NACA: variants seen among roughly 807,000 people sequenced by gnomAD.
The protein encoded by NACA is nascent polypeptide-associated complex subunit alpha.
A neutral mutation model predicts 86.4 loss-of-function variants in NACA; 42 were observed. The ratio of observed to expected loss-of-function variants is 0.49; its 90% CI spans 0.38 to 0.63. The LOEUF (loss-of-function observed/expected upper bound fraction) is 0.63. Among genes scored for constraint, NACA ranks in the 20% least tolerant of loss-of-function variants. NACA has a pLI of 0.00. For missense variants in NACA, 2,157 were observed against 2,483.6 expected (o/e 0.87, Z 2.80); for synonymous variants, 898 against 973.7 (o/e 0.92, Z 1.45).
chr12:56,717,438 G>A lies in NACA; in HGVS notation c.4092C>T (p.Ser1364=), dbSNP rs761917516. The A allele has an allele frequency of 6.5e-6, 9 of 1,394,290 alleles. No homozygotes were observed. The East Asian group carries it at 1.3e-4, about 19-fold the overall frequency. 86.4% of individuals were successfully genotyped at this position (1,394,290 alleles called of 1,614,324 possible). Residue 1364 remains serine (S), a synonymous_variant, in exon 3 of 9, where the codon TCC becomes TCT. Transcript: ENST00000454682. ...CTGGGGGAGTGGGGCCCTCTTTGGA[G>A]GATGGAGTAGTTGGGCCTCCTTTAG... ...PSSKGGPTTP[S]SKEGPTPPAA...
intron 2 of NACA, 42 bp downstream of exon 2, chr12:56,724,410 G>T: frequency 6.4e-7 from 1 of 1,572,332 alleles, no homozygotes; most frequent in East Asian, 2.3e-5. Flanking sequence ...AATGGCTTTA[G>T]GGTTAATTTT....
rs1451385301 is a variant in NACA at position 56,721,230 on chromosome 12, T to TG, written c.299dup (p.Thr101AsnfsTer56). 1.2e-6 allele frequency: 2 copies of TG among 1,613,474 alleles called. No individual in the cohort carries two copies. Among genetic ancestry groups the TG allele is most frequent in the Middle Eastern group, 1.6e-4 (1 of 6,082 alleles). On this transcript the variant is annotated frameshift_variant, in exon 3 of 9. Coordinates refer to ENST00000454682, the MANE Select transcript of NACA (RefSeq NM_001365896.1). LOFTEE classifies it high-confidence loss of function. ...GCCCTATTAGGTTTGGTAGGAAGGT[T>TG]GGGGCTTCAGGGGCAGTTCCCAAAG...
At chr12:56,724,429 G>A (rs752422558) in intron 2 of NACA, 23 bp downstream of exon 2, 1 of 1,597,628 alleles carries the variant, frequency 6.3e-7, no homozygotes, top group African/African-American at 1.3e-5. Context: ...TTAATTAATG[G>A]CAAGGAGGGT....
At chr12:56,712,947 A>G (rs1372219163) in intron 7 of NACA, 39 bp from the exon 8 acceptor site, 1 of 1,613,774 alleles carries the variant, frequency 6.2e-7, no homozygotes, top group Admixed American at 1.7e-5. Context: ...ATTAAAGGCA[A>G]GAACAATTTC....
chr12:56,721,462 G>T lies in NACA; in HGVS notation c.71-3C>A, dbSNP rs746013373. On this transcript the variant is annotated splice_region_variant and splice_polypyrimidine_tract_variant and intron_variant, in intron 2 of 8. Transcript: ENST00000454682. Reference sequence around the variant, plus strand: ...GGCTGAAGACATAGGTAGCACAGCTGGAGAAAGGCAAAAGGAGATAAAGAA... The same window carrying T: ...GGCTGAAGACATAGGTAGCACAGCTTGAGAAAGGCAAAAGGAGATAAAGAA... 12 of 1,487,020 alleles carry T rather than the reference G, an allele frequency of 8.1e-6. No homozygotes were observed. Among genetic ancestry groups the T allele is most frequent in the Non-Finnish European group, 1.1e-5 (12 of 1,123,528 alleles). The allele number at this position is 1,487,020 out of a possible 1,614,324, so 92.1% of individuals were successfully genotyped here. A position where few individuals can be genotyped will look rare whatever the true frequency, so the allele number is the denominator to read the frequency against.
rs201182580 is a variant in NACA at position 56,712,957 on chromosome 12, C to T, written c.6100-49G>A. 3.1e-6 allele frequency: 5 copies of T among 1,612,944 alleles called. No homozygotes were observed. The African/African-American group carries it at 6.7e-5, about 21-fold the overall frequency. On this transcript the variant is annotated intron_variant, in intron 7 of 8. Coordinates refer to ENST00000454682, the MANE Select transcript of NACA (RefSeq NM_001365896.1). ...AGTAAATTAAAGGCAAGAACAATTT[C>T]AGCAGTTCTTTGGAGTCTCCTGAAT...
rs147776312 is a variant in NACA at position 56,720,035 on chromosome 12, T to A, written c.1495A>T (p.Thr499Ser). The change falls in exon 3 of 9, where the codon ACC becomes TCC. Residue 499 changes from threonine (T) to serine (S), a missense_variant. This residue lies in a region of NACA where 947 missense variants were observed against 917.9 expected (regional missense o/e 1.03). Coordinates refer to ENST00000454682, the MANE Select transcript of NACA (RefSeq NM_001365896.1). The part of the protein sequence containing the change: ...APKEPSTQVA[T>S]TLRIPVSPPL... The stretch of plus-strand genomic sequence containing the variant: ...GGAGAGACTGGTATCCTCAGAGTGG[T>A]TGCTACTTGAGTAGAAGGCTCTTTG... The A allele has an allele frequency of 9.3e-6, 15 of 1,613,888 alleles. No individual in the cohort carries two copies. Among genetic ancestry groups the A allele is most frequent in the Middle Eastern group, 3.3e-4 (2 of 6,062 alleles).
rs1208679398 is a variant in NACA, at chr12:56,716,751, G to A, written c.4779C>T (p.Ala1593=). The A allele has an allele frequency of 8.0e-6, 11 of 1,381,954 alleles. No individual in the cohort carries two copies. Among genetic ancestry groups the A allele is most frequent in the South Asian group, 7.8e-5 (6 of 77,318 alleles). The allele number at this position is 1,381,954 out of a possible 1,614,324, so 85.6% of individuals were successfully genotyped here. A position where few individuals can be genotyped will look rare whatever the true frequency, so the allele number is the denominator to read the frequency against. ...PAVTPSTYKG[A]PSPKELLIPP... is the part of the protein sequence containing the mutation. ...GAATGAGGAGCTCTTTGGGGGATGGGGCCCCTTTGTAAGTGGAAGGAGTCA... is the reference window on the plus strand; with the variant it reads ...GAATGAGGAGCTCTTTGGGGGATGGAGCCCCTTTGTAAGTGGAAGGAGTCA... Residue 1593 remains alanine (A), a synonymous_variant, in exon 3 of 9, where the codon GCC becomes GCT. Transcript: ENST00000454682.
chr12:56,722,464 CG>C (rs1953597892), intron 2 of NACA, among the ~76,000 whole-genome samples: 1 of 152,122 alleles, frequency 6.6e-6, no homozygotes, highest in African/African-American at 2.4e-5. Flanking sequence ...CCTGGGAGGG[CG>C]GATCACGAGG....
At position 56,721,448 on chromosome 12, in the gene NACA, T is replaced by G. The variant is rs367875595; in HGVS notation, c.82A>C (p.Met28Leu). 93 of 1,493,854 alleles carry G rather than the reference T, an allele frequency of 6.2e-5. No homozygotes were observed. The highest frequency in any genetic ancestry group is 2.7e-4 in the African/African-American group (19 of 70,004). 92.5% of individuals were successfully genotyped at this position (1,493,854 alleles called of 1,614,324 possible). The change falls in exon 3 of 9, where the codon ATG becomes CTG. Residue 28 changes from methionine to leucine, a missense_variant. Physicochemically the swap from Met to Leu is conservative, Grantham distance 15. Transcript: ENST00000454682. The part of the protein sequence containing the change: ...QPQAETAVLP[M>L]SSALSVTAAL... Reference sequence around the variant, plus strand: ...GCAGTGACACTCAAGGCTGAAGACATAGGTAGCACAGCTGGAGAAAGGCAA... The same window carrying G: ...GCAGTGACACTCAAGGCTGAAGACAGAGGTAGCACAGCTGGAGAAAGGCAA...
At chr12:56,725,079 C>G (rs551888616) in intron 1 of NACA, 184 bp downstream of exon 1, 1 of 153,064 alleles carries the variant, frequency 6.5e-6, no homozygotes, top group Non-Finnish European at 1.5e-5. Flanking sequence ...CGCAGCCCTT[C>G]TACCCTGCTT....
rs1240244698 is a variant in NACA, at chr12:56,720,721, A to ACAGG, written c.805_808dup (p.Val270AlafsTer3). On this transcript the variant is annotated frameshift_variant, in exon 3 of 9. Transcript: ENST00000454682. LOFTEE classifies it high-confidence loss of function. ...AAGAGATAAGGCAGCAGGTGGACTA[A>ACAGG]CAGGCCCCTTCAGGCTGAGGCTTCC... is the stretch of plus-strand genomic sequence containing the variant. 1 of 1,614,000 alleles carries ACAGG rather than the reference A, an allele frequency of 6.2e-7. No individual in the cohort carries two copies. Among genetic ancestry groups the ACAGG allele is most frequent in the East Asian group, 2.2e-5 (1 of 44,890 alleles).
chr12:56,716,703 GGAA>G lies in NACA; in HGVS notation c.4824_4826del (p.Ser1609del), dbSNP rs1953377359. ...CTGGAGGAGTAGGTGCCTCTTTGGG[GGAA>G]GGAGAAGTCACAGCTGGTGGAATGA... On this transcript the variant is annotated inframe_deletion, in exon 3 of 9. Transcript: ENST00000454682. 1 of 1,410,974 alleles carries G rather than the reference GGAA, an allele frequency of 7.1e-7. No homozygotes were observed. The allele number at this position is 1,410,974 out of a possible 1,614,324, so 87.4% of individuals were successfully genotyped here.
chr12:56,718,504 G>C lies in NACA; in HGVS notation c.3026C>G (p.Pro1009Arg). ...GPATPSPKGA[P>R]TPPAVTPPSP... ...GGGAGGAGTCACAGCTGGGGGTGTG[G>C]GGGCCCCTTTGGGGGATGGAGTAGC... Residue 1009 changes from proline (P) to arginine (R), a missense_variant, in exon 3 of 9, where the codon CCC (proline) becomes CGC (arginine). Around this residue, in one of 8 missense-constraint regions of NACA, gnomAD observed 124 missense variants for 186.5 expected, o/e 0.66. Transcript: ENST00000454682. 1.6e-6 allele frequency: 2 copies of C among 1,288,242 alleles called. No individual in the cohort carries two copies. Among genetic ancestry groups the C allele is most frequent in the Non-Finnish European group, 1.0e-6 (1 of 999,674 alleles). 79.8% of individuals were successfully genotyped at this position (1,288,242 alleles called of 1,614,324 possible).
chr12:56,716,501 C>CT lies in NACA; in HGVS notation c.5028dup (p.Gly1677ArgfsTer47). The CT allele has an allele frequency of 2.0e-6, 3 of 1,513,704 alleles. No homozygotes were observed. The highest frequency in any genetic ancestry group is 2.7e-6 in the Non-Finnish European group (3 of 1,116,740). The allele number at this position is 1,513,704 out of a possible 1,614,324, so 93.8% of individuals were successfully genotyped here. A position where few individuals can be genotyped will look rare whatever the true frequency, so the allele number is the denominator to read the frequency against. Reference sequence around the variant, plus strand: ...AGTACTTCTTTCAGAGCTGTGGGGCCTTTCTTTGCTGGAAGCCCTTTAGAT... The same window carrying CT: ...AGTACTTCTTTCAGAGCTGTGGGGCCTTTTCTTTGCTGGAAGCCCTTTAGAT... On this transcript the variant is annotated frameshift_variant, in exon 3 of 9. Transcript: ENST00000454682. LOFTEE classifies it high-confidence loss of function.
chr12:56,718,225 G>T lies in NACA; in HGVS notation c.3305C>A (p.Ala1102Asp). 1 of 1,129,486 alleles carries T rather than the reference G, an allele frequency of 8.9e-7. No individual in the cohort carries two copies. 70.0% of individuals were successfully genotyped at this position (1,129,486 alleles called of 1,614,324 possible). The part of the protein sequence containing the change: ...GGPATPSPKG[A>D]PMPPAATPPS... ...AGGAGTTGCAGCTGGGGGCATGGGG[G>T]CCCCTTTGGGGGATGGGGTAGCTGG... Residue 1102 changes from alanine to aspartate, a missense_variant, in exon 3 of 9, where the codon GCC (alanine) becomes GAC (aspartate). Coordinates refer to ENST00000454682, the MANE Select transcript of NACA (RefSeq NM_001365896.1).
At chr12:56,713,332 T>A in intron 6 of NACA, 142 bp from the exon 7 acceptor site, 1 of 1,259,060 alleles carries the variant, frequency 7.9e-7, no homozygotes, top group Non-Finnish European at 1.1e-6. Context: ...GTAGAAAGAG[T>A]AGTTGTTTAG....
At chr12:56,722,552 G>A (rs1953601580) in intron 2 of NACA, among the ~76,000 whole-genome samples, 1 of 152,146 alleles carries the variant, frequency 6.6e-6, no homozygotes, top group South Asian at 2.1e-4. Context: ...GCTGGGCGTG[G>A]TGGTGTACAC....
At position 56,720,785 on chromosome 12, in the gene NACA, T is replaced by C. The variant is rs1481902838; in HGVS notation, c.745A>G (p.Thr249Ala). ...LAIASPQVKD[T>A]TISSVLISPQ... ...GAAATCAGAACTGAGGAAATGGTGG[T>C]ATCTTTGACTTGAGGGGAAGCGATG... Residue 249 changes from threonine to alanine, a missense_variant, in exon 3 of 9, where the codon ACC (threonine) becomes GCC (alanine). This residue lies in a region of NACA where 947 missense variants were observed against 917.9 expected (regional missense o/e 1.03). Coordinates refer to ENST00000454682, the MANE Select transcript of NACA (RefSeq NM_001365896.1). 1.2e-6 allele frequency: 2 copies of C among 1,613,826 alleles called. No homozygotes were observed. The highest frequency in any genetic ancestry group is 2.7e-5 in the African/African-American group (2 of 74,884).
Sources: gnomAD v4.1 joint callset for allele counts (sites outside exome capture counted in the v4.1 genomes callset) on GRCh38, gnomAD v4.1.1 for gene constraint, gnomAD v4.1.1 regional missense constraint, MANE v1.5 for transcripts, NCBI Gene and HGNC (gene_info 2026-07-23, HGNC 2026-07-21) for gene names.